SLC25A21: variants seen among roughly 807,000 people sequenced by gnomAD.
The protein encoded by SLC25A21 is solute carrier family 25 member 21.
In SLC25A21, 47 loss-of-function variants were observed where a neutral mutation model predicts 43.8. That is an observed-to-expected ratio of 1.07 (90% CI 0.85 to 1.37). The LOEUF (loss-of-function observed/expected upper bound fraction) is 1.37, where lower values mean the gene tolerates loss of function less well. Among genes scored for constraint, SLC25A21 ranks in the 40% most tolerant of loss-of-function variants. The probability of loss-of-function intolerance (pLI) is 0.00; values close to 1 mark genes in which losing one functional copy is unlikely to be tolerated. For missense variants in SLC25A21, 352 were observed against 350.2 expected (o/e 1.00, Z -0.04); for synonymous variants, 131 against 121.3 (o/e 1.08, Z -0.52).
chr14:37,099,273 A>T (rs549342806), intron 1 of SLC25A21, among the ~76,000 whole-genome samples: 10 of 152,062 alleles, frequency 6.6e-5, no homozygotes, highest in African/African-American at 1.9e-4. Context: ...TCTATCTAAA[A>T]TCCTCCTGGG....
chr14:37,037,590 A>T (rs1386154826), intron 1 of SLC25A21, among the ~76,000 whole-genome samples: 1 of 151,542 alleles, frequency 6.6e-6, no homozygotes, highest in Non-Finnish European at 1.5e-5. Flanking sequence ...TATTTAAAAA[A>T]TTTTTTTCAC....
intron 1 of SLC25A21, among the ~76,000 whole-genome samples, chr14:37,101,339 GTCATAAAC>G (rs1486113367): frequency 1.3e-5 from 2 of 152,056 alleles, no homozygotes; most frequent in Non-Finnish European, 2.9e-5. Flanking sequence ...TGAGACCAAG[GTCATAAAC>G]TCACTCCCTT....
At chr14:37,038,434 A>C (rs1411339467) in intron 1 of SLC25A21, among the ~76,000 whole-genome samples, 1 of 152,170 alleles carries the variant, frequency 6.6e-6, no homozygotes, top group African/African-American at 2.4e-5. Flanking sequence ...TTGCCTTCTT[A>C]ATTTCTAACT....
chr14:36,901,382 T>C (rs1259759508), intron 1 of SLC25A21, among the ~76,000 whole-genome samples: 1 of 152,182 alleles, frequency 6.6e-6, no homozygotes, highest in Non-Finnish European at 1.5e-5. Context: ...TCATATGGAA[T>C]AAAGGCAATA....
chr14:36,853,199 A>G lies in SLC25A21; in HGVS notation c.119+21757T>C, dbSNP rs542256233. The stretch of plus-strand genomic sequence containing the variant: ...ATAAGATATGAATCACATATGCTAG[A>G]TAAGTGTTTTGGCAGGGCCATGCTT... On this transcript the variant is annotated intron_variant, in intron 2 of 9. Transcript: ENST00000331299. Among the ~76,000 whole-genome samples, 21 of 152,356 alleles carry G rather than the reference A, an allele frequency of 1.4e-4. No homozygotes were observed. The South Asian group carries it at 3.5e-3, about 26-fold the overall frequency.
At position 36,739,515 on chromosome 14, in the gene SLC25A21, T is replaced by C. The variant is rs146791042; in HGVS notation, c.204-4942A>G. Among the ~76,000 whole-genome samples the C allele has an allele frequency of 1.1e-4, 17 of 151,994 alleles. No individual in the cohort carries two copies. The East Asian group carries it at 3.1e-3, about 28-fold the overall frequency. ...TAACATGGTGAAGCCCCTTCTCTAC[T>C]AAAAATACAAAAATTAGCTGGGTGT... is the stretch of plus-strand genomic sequence containing the variant. On this transcript the variant is annotated intron_variant, in intron 3 of 9. Coordinates refer to ENST00000331299, the MANE Select transcript of SLC25A21 (RefSeq NM_030631.4).
chr14:36,759,089 C>T (rs1363266607), intron 3 of SLC25A21, among the ~76,000 whole-genome samples: 1 of 152,164 alleles, frequency 6.6e-6, no homozygotes, highest in Non-Finnish European at 1.5e-5. Flanking sequence ...AACTCAGGCT[C>T]AGCATTTCAT....
At chr14:36,962,724 TTA>T (rs1276806023) in intron 1 of SLC25A21, among the ~76,000 whole-genome samples, 2 of 152,182 alleles carry the variant, frequency 1.3e-5, no homozygotes, top group Non-Finnish European at 2.9e-5. Context: ...GGATAATAAT[TTA>T]TGTTTTATTC....
intron 3 of SLC25A21, among the ~76,000 whole-genome samples, chr14:36,740,695 T>C (rs965125438): frequency 7.1e-6 from 1 of 141,184 alleles, no homozygotes; most frequent in African/African-American, 2.7e-5. Context: ...GAGCAACCAA[T>C]GAAAAGATGC....
At chr14:36,941,071 T>A (rs80317709) in intron 1 of SLC25A21, among the ~76,000 whole-genome samples, 1 of 152,014 alleles carries the variant, frequency 6.6e-6, no homozygotes, top group Non-Finnish European at 1.5e-5. Context: ...TATATCTACA[T>A]AGGTCCGGAA....
chr14:36,730,018 T>C (rs1338410282), intron 4 of SLC25A21, among the ~76,000 whole-genome samples: 1 of 152,212 alleles, frequency 6.6e-6, no homozygotes, highest in African/African-American at 2.4e-5. Flanking sequence ...TCTATTGTGG[T>C]GTCTCCCCAC....
intron 1 of SLC25A21, among the ~76,000 whole-genome samples, chr14:36,986,272 A>C (rs1305635110): frequency 6.6e-6 from 1 of 152,140 alleles, no homozygotes; most frequent in African/African-American, 2.4e-5. Context: ...ATTCCAATCC[A>C]ACACCACATT....
chr14:36,973,268 G>A lies in SLC25A21; in HGVS notation c.71-98264C>T, dbSNP rs1959794306. On this transcript the variant is annotated intron_variant, in intron 1 of 9. Transcript: ENST00000331299. ...GAAGCTGGAGGTGGCAACTGTAGTAGGGGGATGGCAATGGTGGGGAGACAA... is the reference window on the plus strand; with the variant it reads ...GAAGCTGGAGGTGGCAACTGTAGTAAGGGGATGGCAATGGTGGGGAGACAA... Among the ~76,000 whole-genome samples the A allele has an allele frequency of 2.0e-5, 3 of 152,060 alleles. No homozygotes were observed. In the South Asian group the frequency reaches 6.2e-4, roughly 31 times the overall value.
At chr14:36,812,545 T>C (rs1239072789) in intron 3 of SLC25A21, among the ~76,000 whole-genome samples, 1 of 151,276 alleles carries the variant, frequency 6.6e-6, no homozygotes, top group Non-Finnish European at 1.5e-5. Flanking sequence ...ATGAAAATAT[T>C]TATTGCACTA....
chr14:36,885,363 T>C (rs1422884075), intron 1 of SLC25A21, among the ~76,000 whole-genome samples: 1 of 152,216 alleles, frequency 6.6e-6, no homozygotes, highest in African/African-American at 2.4e-5. Context: ...TTGATTACTA[T>C]AACTTTGTAA....
intron 1 of SLC25A21, among the ~76,000 whole-genome samples, chr14:37,119,424 G>A (rs562184971): frequency 1.8e-4 from 28 of 152,140 alleles, no homozygotes; most frequent in Admixed American, 9.8e-4. Flanking sequence ...TGGTGTGGTG[G>A]CATGGGCCTA....
intron 1 of SLC25A21, among the ~76,000 whole-genome samples, chr14:37,027,141 T>A (rs1961109934): frequency 6.6e-6 from 1 of 152,178 alleles, no homozygotes; most frequent in African/African-American, 2.4e-5. Context: ...AACAAAATAC[T>A]GATGCAATCT....
chr14:36,710,436 GAA>G (rs1400963099), intron 7 of SLC25A21, among the ~76,000 whole-genome samples: 19 of 151,848 alleles, frequency 1.3e-4, no homozygotes, highest in Middle Eastern at 3.4e-3. Flanking sequence ...AAGAAAGAAA[GAA>G]AGAAAAAGAA....
At chr14:37,049,426 G>A (rs908465290) in intron 1 of SLC25A21, among the ~76,000 whole-genome samples, 1 of 151,808 alleles carries the variant, frequency 6.6e-6, no homozygotes, top group Non-Finnish European at 1.5e-5. Context: ...TTAAAAATTC[G>A]CTGGGCATGG....
Sources: allele counts gnomAD v4.1 joint callset (sites outside exome capture counted in the v4.1 genomes callset), GRCh38; gene constraint gnomAD v4.1.1; transcripts MANE v1.5; gene names NCBI Gene and HGNC (gene_info 2026-07-23, HGNC 2026-07-21).